The following WDFY3 variants were observed in gnomAD, a reference collection of about 807,000 sequenced individuals.
WDFY3 encodes WD repeat and FYVE domain containing 3, also known as WD repeat and FYVE domain-containing protein 3.
In WDFY3, 66 loss-of-function variants were observed where a neutral mutation model predicts 409.6. The ratio of observed to expected loss-of-function variants is 0.16; its 90% CI spans 0.13 to 0.20. The LOEUF is 0.20. Among genes scored for constraint, WDFY3 ranks in the 10% least tolerant of loss-of-function variants. The probability of loss-of-function intolerance (pLI) is 1.00; values close to 1 mark genes in which losing one functional copy is unlikely to be tolerated. For missense variants in WDFY3, 3,031 were observed against 4,298.1 expected, an observed-to-expected ratio of 0.71 and a Z score of 8.24; for synonymous variants, 1,521 against 1,537.1, an observed-to-expected ratio of 0.99 and a Z score of 0.25.
At chr4:84,899,860 T>C (rs1308883487) in intron 2 of WDFY3, among the ~76,000 whole-genome samples, 2 of 151,738 alleles carry the variant, frequency 1.3e-5, no homozygotes, top group Non-Finnish European at 2.9e-5. Context: ...CACAGTGAGA[T>C]CCCATCTCCA....
In WDFY3 at chr4:84,796,543, C is replaced by G. The variant is rs151088392; in HGVS notation, c.3145G>C (p.Asp1049His). 1.4e-4 allele frequency: 217 copies of G among 1,600,014 alleles called. No homozygotes were observed. In the African/African-American group the frequency reaches 2.7e-3, roughly 20 times the overall value. The change falls in exon 19 of 68, where the codon GAC becomes CAC. Residue 1049 changes from aspartate to histidine, a missense_variant. Around this residue, in one of 16 missense-constraint regions of WDFY3, gnomAD observed 1,322 missense variants for 1,697.9 expected, o/e 0.78. Coordinates refer to ENST00000295888, the MANE Select transcript of WDFY3 (RefSeq NM_014991.6). Reference protein sequence around the residue: ...SSVTPAFVEFDTSLEGFGCLF... With the variant: ...SSVTPAFVEFHTSLEGFGCLF... ...TACCCAAACCCTTCAAGTGATGTGTCAAATTCAACAAAAGCTGGAGTAACT... is the reference window on the plus strand; with the variant it reads ...TACCCAAACCCTTCAAGTGATGTGTGAAATTCAACAAAAGCTGGAGTAACT...
chr4:84,751,398 C>G (rs1047911643), intron 36 of WDFY3, 85 bp downstream of exon 36: 2 of 1,374,878 alleles, frequency 1.5e-6, no homozygotes, highest in Admixed American at 3.8e-5. Context: ...AATTAGAAAT[C>G]CTTGTTATAG....
At chr4:84,751,798 G>A in intron 35 of WDFY3, 82 bp from the exon 36 acceptor site, 1 of 1,461,424 alleles carries the variant, frequency 6.8e-7, no homozygotes, top group Non-Finnish European at 9.5e-7. Flanking sequence ...AATAAAACTG[G>A]AGCAGCAGCA....
At chr4:84,920,193 C>T (rs186199029) in intron 2 of WDFY3, among the ~76,000 whole-genome samples, 9 of 151,980 alleles carry the variant, frequency 5.9e-5, no homozygotes, top group East Asian at 1.9e-4. Context: ...CAAATATAAA[C>T]GCAAGATATG....
At chr4:84,769,704 G>A (rs867497758) in intron 30 of WDFY3, among the ~76,000 whole-genome samples, 76 of 152,252 alleles carry the variant, frequency 5.0e-4, no homozygotes, top group Non-Finnish European at 6.9e-4. Flanking sequence ...TTACAGGCAT[G>A]AGCCACCGCG....
intron 58 of WDFY3, among the ~76,000 whole-genome samples, chr4:84,695,741 C>T (rs908758934): frequency 2.0e-5 from 3 of 152,054 alleles, no homozygotes; most frequent in Non-Finnish European, 4.4e-5. Flanking sequence ...GAAAGCATAC[C>T]CTGCATTAGT....
intron 4 of WDFY3, among the ~76,000 whole-genome samples, chr4:84,857,605 G>A (rs574494357): frequency 6.6e-6 from 1 of 151,986 alleles, no homozygotes; most frequent in Non-Finnish European, 1.5e-5. Flanking sequence ...TAACTTCCTG[G>A]TAATAAAAAT....
intron 13 of WDFY3, among the ~76,000 whole-genome samples, chr4:84,812,232 T>C (rs1000304155): frequency 6.6e-6 from 1 of 152,206 alleles, no homozygotes; most frequent in Non-Finnish European, 1.5e-5. Flanking sequence ...TAAATTTACA[T>C]TTTAGTATCT....
At chr4:84,701,066 T>C (rs2148926620) in intron 56 of WDFY3, among the ~76,000 whole-genome samples, 1 of 152,366 alleles carries the variant, frequency 6.6e-6, no homozygotes, top group African/African-American at 2.4e-5. Flanking sequence ...ACAGAGATCA[T>C]GCCACTGCAC....
At chr4:84,876,847 T>C (rs985072740) in intron 3 of WDFY3, among the ~76,000 whole-genome samples, 1 of 152,190 alleles carries the variant, frequency 6.6e-6, no homozygotes, top group African/African-American at 2.4e-5. Context: ...CGTATCCTAG[T>C]TCTCATCCTA....
Position 84,831,264 on chromosome 4 carries a change from G to A in WDFY3, c.769+149C>T, listed in dbSNP as rs943168179. On this transcript the variant is annotated intron_variant, in intron 8 of 67. Coordinates refer to ENST00000295888, the MANE Select transcript of WDFY3 (RefSeq NM_014991.6). ...TTTACATTTGAAATGCCCCACAGAT[G>A]AAAAAAAATATTTTCTTTTCTCTGG... is the stretch of plus-strand genomic sequence containing the variant. The A allele has an allele frequency of 1.5e-4, 84 of 560,992 alleles. No homozygotes were observed. The Middle Eastern group carries it at 1.7e-3, about 11-fold the overall frequency. 34.8% of individuals were successfully genotyped at this position (560,992 alleles called of 1,614,324 possible).
chr4:84,820,080 A>G lies in WDFY3; in HGVS notation c.1693+5T>C, dbSNP rs1261390262. On this transcript the variant is annotated splice_donor_5th_base_variant and intron_variant, in intron 12 of 67. Transcript: ENST00000295888. Reference sequence around the variant, plus strand: ...AAAGTATTTGCTTGCAGCTTTTTAAATTACCTGCATTTGTGTTTGATCCTT... The same window carrying G: ...AAAGTATTTGCTTGCAGCTTTTTAAGTTACCTGCATTTGTGTTTGATCCTT... 1 of 1,593,800 alleles carries G rather than the reference A, an allele frequency of 6.3e-7. No homozygotes were observed. Among genetic ancestry groups the G allele is most frequent in the South Asian group, 1.1e-5 (1 of 87,270 alleles).
chr4:84,748,252 GT>G (rs1365762083), intron 36 of WDFY3, among the ~76,000 whole-genome samples: 1 of 152,154 alleles, frequency 6.6e-6, no homozygotes, highest in Non-Finnish European at 1.5e-5. Context: ...ATGTTTAAGT[GT>G]TGGGCACTGT....
At chr4:84,899,694 T>C (rs1766095160) in intron 2 of WDFY3, among the ~76,000 whole-genome samples, 1 of 152,080 alleles carries the variant, frequency 6.6e-6, no homozygotes, top group Non-Finnish European at 1.5e-5. Flanking sequence ...CATAAAATAC[T>C]TCATCCAGTC....
chr4:84,895,143 AT>A (rs934824604), intron 3 of WDFY3, among the ~76,000 whole-genome samples: 1 of 152,158 alleles, frequency 6.6e-6, no homozygotes, highest in African/African-American at 2.4e-5. Flanking sequence ...AAAATTGTAT[AT>A]GTTAACATTT....
At chr4:84,921,615 G>A (rs920425456) in intron 2 of WDFY3, among the ~76,000 whole-genome samples, 2 of 143,990 alleles carry the variant, frequency 1.4e-5, no homozygotes, top group Non-Finnish European at 3.0e-5. Context: ...TTATTTATAA[G>A]CAAATATGGA....
At chr4:84,811,158 C>T (rs996694104) in intron 13 of WDFY3, among the ~76,000 whole-genome samples, 7 of 151,994 alleles carry the variant, frequency 4.6e-5, no homozygotes, top group African/African-American at 1.7e-4. Flanking sequence ...CCACTATGCC[C>T]AGTTAATTTT....
intron 47 of WDFY3, among the ~76,000 whole-genome samples, chr4:84,720,413 G>A (rs1438462447): frequency 6.6e-6 from 1 of 152,052 alleles, no homozygotes; most frequent in Non-Finnish European, 1.5e-5. Flanking sequence ...GGGGCATTTT[G>A]GCAGAAAAAA....
chr4:84,696,018 C>T lies in WDFY3; in HGVS notation c.8853G>A (p.Glu2951=). The change falls in exon 58 of 68, where the codon GAG becomes GAA. Residue 2951 remains glutamate, a synonymous_variant. Coordinates refer to ENST00000295888, the MANE Select transcript of WDFY3 (RefSeq NM_014991.6). ...DIYNINDPLK[E]TATIGFINNF... The stretch of plus-strand genomic sequence containing the variant: ...TATTAATGAACCCAATTGTGGCTGT[C>T]TCCTTTAGTGGGTCATTGATGTTGT... The T allele has an allele frequency of 1.2e-6, 2 of 1,614,180 alleles. No individual in the cohort carries two copies. The highest frequency in any genetic ancestry group is 1.7e-6 in the Non-Finnish European group (2 of 1,180,030).
Sources: gnomAD v4.1 joint callset for allele counts (sites outside exome capture counted in the v4.1 genomes callset) on GRCh38, gnomAD v4.1.1 for gene constraint, gnomAD v4.1.1 regional missense constraint, MANE v1.5 for transcripts, NCBI Gene and HGNC (gene_info 2026-07-23, HGNC 2026-07-21) for gene names.